The following PTPRD variants were observed in gnomAD, a reference collection of about 807,000 sequenced individuals.
PTPRD encodes the protein receptor-type tyrosine-protein phosphatase delta.
In PTPRD, 34 loss-of-function variants were observed where a neutral mutation model predicts 214.5. The ratio of observed to expected loss-of-function variants is 0.16; its 90% CI spans 0.12 to 0.21. The LOEUF is 0.21. Among genes scored for constraint, PTPRD ranks in the 10% least tolerant of loss-of-function variants. PTPRD has a pLI of 1.00. For synonymous variants in PTPRD, 1,128 were observed against 845.7 expected (o/e 1.33, Z -5.79); for missense variants, 2,545 against 2,398.7 (o/e 1.06, Z -1.27).
At chr9:8,907,682 A>G (rs2098718658) in intron 11 of PTPRD, among the ~76,000 whole-genome samples, 1 of 151,670 alleles carries the variant, frequency 6.6e-6, no homozygotes, top group South Asian at 2.1e-4. Context: ...TACTACATGG[A>G]CTTAATATAT....
At chr9:9,285,409 T>C (rs548905372) in intron 9 of PTPRD, among the ~76,000 whole-genome samples, 42 of 151,916 alleles carry the variant, frequency 2.8e-4, no homozygotes, top group South Asian at 4.1e-4. Flanking sequence ...TCTAAAATTT[T>C]TTTTCTCAAA....
chr9:9,248,294 A>G (rs1431618670), intron 9 of PTPRD, among the ~76,000 whole-genome samples: 1 of 151,982 alleles, frequency 6.6e-6, no homozygotes, highest in Non-Finnish European at 1.5e-5. Flanking sequence ...GGGTTTCACC[A>G]TGTGGGCCAG....
chr9:8,759,615 CTTTTTTTTTT>C (rs77725373), intron 11 of PTPRD, among the ~76,000 whole-genome samples: 1 of 98,992 alleles, frequency 1.0e-5, no homozygotes, highest in Non-Finnish European at 2.2e-5. Context: ...TGTTACATTT[CTTTTTTTTTT>C]TTTTTTGTCC....
At chr9:8,604,753 G>A (rs2095099392) in intron 14 of PTPRD, among the ~76,000 whole-genome samples, 1 of 152,074 alleles carries the variant, frequency 6.6e-6, no homozygotes, top group Non-Finnish European at 1.5e-5. Context: ...GGAATAAGGA[G>A]GAAAAGAGAA....
intron 3 of PTPRD, among the ~76,000 whole-genome samples, chr9:10,128,838 G>A (rs545352163): frequency 1.3e-4 from 20 of 152,088 alleles, no homozygotes; most frequent in Non-Finnish European, 2.8e-4. Context: ...TAAGTCACCT[G>A]GGAGATATTA....
chr9:9,908,153 A>G (rs1198213342), intron 5 of PTPRD, among the ~76,000 whole-genome samples: 1 of 152,044 alleles, frequency 6.6e-6, no homozygotes, highest in African/African-American at 2.4e-5. Context: ...GGGCAAAGGA[A>G]AAGTCCATGG....
At chr9:8,577,218 G>T (rs76810075) in intron 14 of PTPRD, among the ~76,000 whole-genome samples, 4,966 of 149,660 alleles carry the variant, frequency 0.033, 173 homozygotes, top group East Asian at 0.1. Context: ...GAAAGAACTT[G>T]AACTCTTTTA....
chr9:8,727,760 C>T (rs780199684), intron 12 of PTPRD, among the ~76,000 whole-genome samples: 22 of 152,090 alleles, frequency 1.4e-4, no homozygotes, highest in Non-Finnish European at 2.4e-4. Flanking sequence ...TCAAGCAATC[C>T]TCCCTCTTCA....
chr9:8,814,538 T>C (rs2096881529), intron 11 of PTPRD, among the ~76,000 whole-genome samples: 1 of 152,072 alleles, frequency 6.6e-6, no homozygotes, highest in Admixed American at 6.6e-5. Context: ...GAAGAAGACA[T>C]ACCTGAGGCG....
At chr9:9,508,776 C>T (rs2154240967) in intron 8 of PTPRD, among the ~76,000 whole-genome samples, 1 of 151,600 alleles carries the variant, frequency 6.6e-6, no homozygotes, top group South Asian at 2.1e-4. Context: ...TTATCTCCTT[C>T]CTTTTCCCTG....
rs72704655 is a variant in PTPRD, at chr9:9,465,111, T to C, written c.-236-67629A>G. ...GCTAAGCTCTGGTTCTTGTATTCCC[T>C]TTTGTGGTTTTCCTCATGATCTGTA... is the stretch of plus-strand genomic sequence containing the variant. On this transcript the variant is annotated intron_variant, in intron 8 of 45. Coordinates refer to ENST00000381196, the MANE Select transcript of PTPRD (RefSeq NM_002839.4). Among the ~76,000 whole-genome samples the C allele has an allele frequency of 3.4e-3, 518 of 152,340 alleles. 2 individuals carry two copies. The highest frequency in any genetic ancestry group is 5.4e-3 in the Non-Finnish European group (365 of 68,022).
intron 11 of PTPRD, among the ~76,000 whole-genome samples, chr9:8,842,403 A>C (rs952737953): frequency 6.6e-6 from 1 of 152,208 alleles, no homozygotes; most frequent in East Asian, 1.9e-4. Flanking sequence ...GAAATAGATG[A>C]ATAAAAGTTA....
intron 10 of PTPRD, among the ~76,000 whole-genome samples, chr9:9,118,720 A>G (rs754503723): frequency 1.8e-4 from 27 of 152,240 alleles, no homozygotes; most frequent in Non-Finnish European, 3.4e-4. Context: ...AATTGAACAA[A>G]TAAGGTGACT....
chr9:8,741,633 G>A (rs1195401169), intron 11 of PTPRD, among the ~76,000 whole-genome samples: 1 of 124,208 alleles, frequency 8.1e-6, no homozygotes, highest in Non-Finnish European at 1.6e-5. Context: ...GCCCAAGCTG[G>A]AGTGCAGTGG....
At chr9:9,585,848 A>G (rs1230563014) in intron 7 of PTPRD, among the ~76,000 whole-genome samples, 1 of 152,022 alleles carries the variant, frequency 6.6e-6, no homozygotes, top group African/African-American at 2.4e-5. Context: ...AAATCTAACA[A>G]TGAATAAAAA....
At chr9:10,125,685 T>C (rs2098813828) in intron 3 of PTPRD, among the ~76,000 whole-genome samples, 2 of 151,250 alleles carry the variant, frequency 1.3e-5, no homozygotes, top group African/African-American at 4.9e-5. Flanking sequence ...GGTTTCACCA[T>C]GTTGGTCAGG....
intron 2 of PTPRD, among the ~76,000 whole-genome samples, chr9:10,400,781 A>G (rs1287359600): frequency 6.6e-6 from 1 of 151,622 alleles, no homozygotes; most frequent in Non-Finnish European, 1.5e-5. Context: ...TTTTAAAATT[A>G]TATATTATTG....
At chr9:9,295,735 T>G (rs1227621180) in intron 9 of PTPRD, among the ~76,000 whole-genome samples, 1 of 151,816 alleles carries the variant, frequency 6.6e-6, no homozygotes. Flanking sequence ...AAGAGAAGCT[T>G]AATTTCTTTG....
chr9:10,266,473 T>A (rs1411303080), intron 3 of PTPRD, among the ~76,000 whole-genome samples: 1 of 152,206 alleles, frequency 6.6e-6, no homozygotes, highest in African/African-American at 2.4e-5. Flanking sequence ...GGAAGCTGAA[T>A]GAGACTAATT....
Sources: allele counts gnomAD v4.1 joint callset (sites outside exome capture counted in the v4.1 genomes callset), GRCh38; gene constraint gnomAD v4.1.1; transcripts MANE v1.5; gene names NCBI Gene and HGNC (gene_info 2026-07-23, HGNC 2026-07-21).